The following PAG1 variants were observed in gnomAD, a reference collection of about 807,000 sequenced individuals.
PAG1 encodes phosphoprotein associated with glycosphingolipid-enriched microdomains 1.
PAG1 carries 23 observed loss-of-function variants against 31.7 expected under a neutral mutation model. The observed-to-expected ratio is 0.73, with a 90% CI of 0.52 to 1.03. The LOEUF (loss-of-function observed/expected upper bound fraction) is 1.03. Among genes scored for constraint, PAG1 ranks in the 50% least tolerant of loss-of-function variants. The pLI is 0.00. For synonymous variants in PAG1, 214 were observed against 210.3 expected, an observed-to-expected ratio of 1.02 and a Z score of -0.15; for missense variants, 473 against 540.7, an observed-to-expected ratio of 0.87 and a Z score of 1.24.
intron 2 of PAG1, among the ~76,000 whole-genome samples, chr8:81,055,062 TTTC>T (rs1808793475): frequency 1.4e-5 from 2 of 144,910 alleles, no homozygotes; most frequent in African/African-American, 5.6e-5. Context: ...ACTGAATTAA[TTTC>T]TTTTTTTTTC....
intron 2 of PAG1, among the ~76,000 whole-genome samples, chr8:81,045,974 G>A (rs1162461141): frequency 1.3e-5 from 2 of 152,110 alleles, no homozygotes; most frequent in African/African-American, 4.8e-5. Flanking sequence ...AGCATAACTC[G>A]ACCTCACAAC....
intron 3 of PAG1, among the ~76,000 whole-genome samples, chr8:81,025,870 A>C (rs1425357530): frequency 1.3e-5 from 2 of 152,160 alleles, no homozygotes; most frequent in South Asian, 4.1e-4. Context: ...TCCAAAAATG[A>C]CAACATAACA....
intron 3 of PAG1, among the ~76,000 whole-genome samples, chr8:80,997,693 T>C (rs1807707706): frequency 6.6e-6 from 1 of 152,240 alleles, no homozygotes; most frequent in South Asian, 2.1e-4. Context: ...ACCTGAATGC[T>C]GTACTAAGAT....
At chr8:81,001,463 AC>A in intron 3 of PAG1, among the ~76,000 whole-genome samples, 1 of 152,262 alleles carries the variant, frequency 6.6e-6, no homozygotes, top group East Asian at 1.9e-4. Context: ...CAAGGAACCT[AC>A]AAAAGCCTGC....
intron 3 of PAG1, among the ~76,000 whole-genome samples, chr8:81,008,462 C>A (rs1303768892): frequency 6.6e-6 from 1 of 151,348 alleles, no homozygotes; most frequent in East Asian, 1.9e-4. Flanking sequence ...ATCTAAGACA[C>A]CAAGATGTAT....
At chr8:81,067,717 C>A (rs574419254) in intron 2 of PAG1, 5 of 152,208 alleles carry the variant, frequency 3.3e-5, no homozygotes, top group African/African-American at 1.2e-4. Context: ...ACAAGCCCTG[C>A]GGTAACCTTT....
At chr8:81,061,465 C>T (rs989652032) in intron 2 of PAG1, among the ~76,000 whole-genome samples, 1 of 152,112 alleles carries the variant, frequency 6.6e-6, no homozygotes, top group Admixed American at 6.5e-5. Flanking sequence ...ATGCTGCAAC[C>T]AGGGAGTAAA....
intron 2 of PAG1, among the ~76,000 whole-genome samples, chr8:81,066,461 A>G (rs1433525783): frequency 6.6e-6 from 1 of 152,134 alleles, no homozygotes; most frequent in African/African-American, 2.4e-5. Flanking sequence ...TCTTAGCTTT[A>G]TGAATAAATA....
intron 3 of PAG1, among the ~76,000 whole-genome samples, chr8:81,010,979 A>C (rs570021812): frequency 2.8e-4 from 42 of 152,176 alleles, no homozygotes; most frequent in Non-Finnish European, 2.9e-4. Context: ...TTGCTTAAAG[A>C]TCGTGTTCTC....
Position 81,079,192 on chromosome 8 carries a change from T to G in PAG1, c.-233-9022A>C, listed in dbSNP as rs756979734. Among the ~76,000 whole-genome samples, 32 of 152,012 alleles carry G rather than the reference T, an allele frequency of 2.1e-4. 1 individual carries two copies. Among genetic ancestry groups the G allele is most frequent in the Non-Finnish European group, 8.8e-5 (6 of 67,966 alleles). On this transcript the variant is annotated intron_variant, in intron 1 of 8. Coordinates refer to ENST00000220597, the MANE Select transcript of PAG1 (RefSeq NM_018440.4). ...TTTCCCCCCCTTACTTCCTATCAGC[T>G]CAAACACTAATTTCTGCATTGATAT...
intron 2 of PAG1, among the ~76,000 whole-genome samples, chr8:81,056,374 A>C (rs1808822840): frequency 6.6e-6 from 1 of 152,196 alleles, no homozygotes; most frequent in African/African-American, 2.4e-5. Flanking sequence ...AAACAGAGAT[A>C]TAGACCAATG....
intron 3 of PAG1, among the ~76,000 whole-genome samples, chr8:81,003,521 CCA>C (rs1209196794): frequency 1.3e-5 from 2 of 152,168 alleles, no homozygotes; most frequent in African/African-American, 4.8e-5. Context: ...CTTTCCCACT[CCA>C]GAGTCTGGTA....
At chr8:81,090,650 A>T (rs1426917963) in intron 1 of PAG1, among the ~76,000 whole-genome samples, 1 of 152,236 alleles carries the variant, frequency 6.6e-6, no homozygotes, top group Non-Finnish European at 1.5e-5. Flanking sequence ...GTGGTTGGCC[A>T]ATCAGGATCA....
intron 1 of PAG1, among the ~76,000 whole-genome samples, chr8:81,102,839 T>G (rs1809630523): frequency 6.6e-6 from 1 of 152,198 alleles, no homozygotes; most frequent in Admixed American, 6.5e-5. Context: ...TAATAGCTGC[T>G]TTGGCAAGAC....
intron 7 of PAG1, among the ~76,000 whole-genome samples, chr8:80,984,019 T>C (rs1031408432): frequency 6.6e-6 from 1 of 152,236 alleles, no homozygotes; most frequent in Admixed American, 6.5e-5. Flanking sequence ...AACCTGCTAC[T>C]TGTCCTTCCT....
chr8:81,075,592 A>G (rs1809163866), intron 1 of PAG1, among the ~76,000 whole-genome samples: 1 of 152,204 alleles, frequency 6.6e-6, no homozygotes, highest in African/African-American at 2.4e-5. Context: ...TCCTCATCTT[A>G]CTTAATGCTC....
intron 3 of PAG1, among the ~76,000 whole-genome samples, chr8:80,998,756 A>G (rs1400676702): frequency 6.6e-6 from 1 of 152,228 alleles, no homozygotes; most frequent in Non-Finnish European, 1.5e-5. Context: ...ATATGGAAAC[A>G]GACACTTTAG....
chr8:81,053,903 G>A (rs1056826139), intron 2 of PAG1, among the ~76,000 whole-genome samples: 3 of 152,106 alleles, frequency 2.0e-5, no homozygotes, highest in African/African-American at 7.2e-5. Flanking sequence ...TTCTGTAAAG[G>A]GCCAGAGAGT....
At chr8:80,983,186 C>A (rs2130400734) in intron 7 of PAG1, among the ~76,000 whole-genome samples, 1 of 152,268 alleles carries the variant, frequency 6.6e-6, no homozygotes, top group East Asian at 1.9e-4. Context: ...GCTTCAGGGG[C>A]CTCACACTGG....
Sources: allele counts gnomAD v4.1 joint callset (sites outside exome capture counted in the v4.1 genomes callset), GRCh38; gene constraint gnomAD v4.1.1; transcripts MANE v1.5; gene names NCBI Gene and HGNC (gene_info 2026-07-23, HGNC 2026-07-21).